RIMS2: variants seen among roughly 807,000 people sequenced by gnomAD.
RIMS2 encodes regulating synaptic membrane exocytosis protein 2.
RIMS2 carries 59 observed loss-of-function variants against 174.4 expected under a neutral mutation model. The observed-to-expected ratio is 0.34, with a 90% CI of 0.27 to 0.42. The LOEUF is 0.42. RIMS2 is among the 10% of genes least tolerant of loss of function. The probability of loss-of-function intolerance (pLI) is 1.00; values close to 1 mark genes in which losing one functional copy is unlikely to be tolerated. For missense variants in RIMS2, 1,620 were observed against 1,666.3 expected, an observed-to-expected ratio of 0.97 and a Z score of 0.48; for synonymous variants, 606 against 572.5, an observed-to-expected ratio of 1.06 and a Z score of -0.84.
At chr8:103,959,977 A>G (rs2089333990) in intron 14 of RIMS2, among the ~76,000 whole-genome samples, 1 of 152,190 alleles carries the variant, frequency 6.6e-6, no homozygotes, top group Non-Finnish European at 1.5e-5. Context: ...TTCAAAAGCT[A>G]GCAGAAGGCA....
rs150970425 is a variant in RIMS2, at chr8:104,090,055, C to T, written c.3334+75440C>T. ...ACATGAACACATTTATATACACATGCACATATATATATTATATATATATAC... is the reference window on the plus strand; with the variant it reads ...ACATGAACACATTTATATACACATGTACATATATATATTATATATATATAC... On this transcript the variant is annotated intron_variant, in intron 19 of 23. Coordinates refer to ENST00000504942, the Ensembl canonical transcript of RIMS2. Among the ~76,000 whole-genome samples, 634 of 144,836 alleles carry T rather than the reference C, an allele frequency of 4.4e-3. 6 individuals are homozygous for T. The highest frequency in any genetic ancestry group is 0.016 in the African/African-American group (611 of 38,078).
intron 3 of RIMS2, among the ~76,000 whole-genome samples, chr8:103,799,141 T>A: frequency 6.6e-6 from 1 of 151,952 alleles, no homozygotes; most frequent in African/African-American, 2.4e-5. Context: ...TGCCAATAGT[T>A]TGAATGAGCA....
chr8:103,940,875 C>CAA (rs11284715), intron 13 of RIMS2, among the ~76,000 whole-genome samples: 16 of 92,878 alleles, frequency 1.7e-4, no homozygotes, highest in African/African-American at 4.5e-4. Flanking sequence ...GACTCCATCT[C>CAA]AAAAAAAAAA....
At chr8:103,626,807 T>G (rs2095798216) in intron 1 of RIMS2, among the ~76,000 whole-genome samples, 1 of 151,990 alleles carries the variant, frequency 6.6e-6, no homozygotes, top group African/African-American at 2.4e-5. Context: ...GCAAGTTTTT[T>G]ATTAGGGATT....
At chr8:103,938,388 A>G (rs1001856294) in intron 13 of RIMS2, among the ~76,000 whole-genome samples, 7 of 152,118 alleles carry the variant, frequency 4.6e-5, no homozygotes, top group Admixed American at 2.0e-4. Flanking sequence ...ACTCCTCTTT[A>G]TAAAACCATC....
intron 2 of RIMS2, among the ~76,000 whole-genome samples, chr8:103,765,045 T>C (rs901407809): frequency 2.6e-5 from 4 of 152,186 alleles, no homozygotes; most frequent in African/African-American, 9.6e-5. Context: ...AAAACATTTT[T>C]GTGTCAGTTG....
intron 19 of RIMS2, among the ~76,000 whole-genome samples, chr8:104,079,152 G>A (rs979787992): frequency 1.1e-4 from 16 of 151,922 alleles, no homozygotes; most frequent in African/African-American, 3.9e-4. Context: ...GAACACTGTA[G>A]AATTATAGCA....
intron 19 of RIMS2, among the ~76,000 whole-genome samples, chr8:104,120,919 T>C (rs1035374032): frequency 1.1e-4 from 16 of 152,318 alleles, no homozygotes; most frequent in African/African-American, 3.6e-4. Flanking sequence ...ATTAGCTAAC[T>C]ACTCTCTCAC....
chr8:103,500,994 G>A, exon 1 of RIMS2: 1 of 1,611,856 alleles, frequency 6.2e-7, no homozygotes, highest in Non-Finnish European at 8.5e-7. Flanking sequence ...CGGAGGAGGA[G>A]AGGAAAATCA....
At chr8:103,675,197 C>T (rs1365225356) in intron 1 of RIMS2, among the ~76,000 whole-genome samples, 1 of 152,132 alleles carries the variant, frequency 6.6e-6, no homozygotes, top group East Asian at 1.9e-4. Context: ...CAGACATGAG[C>T]CACCAGAACT....
In RIMS2 at chr8:104,139,021, C is replaced by G. The variant is rs73299453; in HGVS notation, c.3335-105895C>G. Among the ~76,000 whole-genome samples, 451 of 152,140 alleles carry G rather than the reference C, an allele frequency of 3.0e-3. 2 individuals are homozygous for G. The highest frequency in any genetic ancestry group is 1.0e-2 in the African/African-American group (414 of 41,542). On this transcript the variant is annotated intron_variant, in intron 19 of 23. Coordinates refer to ENST00000504942, the Ensembl canonical transcript of RIMS2. ...TTTCCAGCACCATTTATTGAAGAGA[C>G]TGTTCTAACCTCAATGTATGTTCTT...
At chr8:103,578,256 A>T (rs1019888626) in intron 1 of RIMS2, among the ~76,000 whole-genome samples, 1 of 152,200 alleles carries the variant, frequency 6.6e-6, no homozygotes, top group African/African-American at 2.4e-5. Flanking sequence ...TCGGCCAGGC[A>T]TTGTGGTTCA....
At chr8:103,855,165 T>G (rs968435531) in intron 3 of RIMS2, among the ~76,000 whole-genome samples, 1 of 152,106 alleles carries the variant, frequency 6.6e-6, no homozygotes, top group Non-Finnish European at 1.5e-5. Flanking sequence ...TACACTATTC[T>G]CCAAAGATCT....
chr8:103,899,878 T>C (rs1415399149), intron 4 of RIMS2, among the ~76,000 whole-genome samples: 3 of 151,818 alleles, frequency 2.0e-5, no homozygotes, highest in Non-Finnish European at 4.4e-5. Flanking sequence ...CTTTAATCCA[T>C]CTTGAATTAA....
intron 19 of RIMS2, among the ~76,000 whole-genome samples, chr8:104,138,980 C>A (rs950681083): frequency 6.6e-6 from 1 of 152,088 alleles, no homozygotes; most frequent in Non-Finnish European, 1.5e-5. Flanking sequence ...TATTTTTCTG[C>A]ATATGGATGT....
At chr8:104,204,783 T>G (rs367590457) in intron 19 of RIMS2, among the ~76,000 whole-genome samples, 134 of 152,298 alleles carry the variant, frequency 8.8e-4, no homozygotes, top group African/African-American at 3.1e-3. Flanking sequence ...ATAAGGAAAT[T>G]AACCAGCTCC....
intron 19 of RIMS2, chr8:104,223,724 C>T (rs2099168011): frequency 8.8e-6 from 14 of 1,592,504 alleles, no homozygotes; most frequent in Non-Finnish European, 1.2e-5. Flanking sequence ...CCGGAGTAGC[C>T]TGTCTGCCTC....
intron 1 of RIMS2, among the ~76,000 whole-genome samples, chr8:103,539,007 A>G (rs1841254198): frequency 6.6e-6 from 1 of 152,190 alleles, no homozygotes; most frequent in Non-Finnish European, 1.5e-5. Context: ...TGCTTTGCAT[A>G]TTGTATCCAA....
intron 2 of RIMS2, among the ~76,000 whole-genome samples, chr8:103,729,073 A>G (rs1255467690): frequency 2.0e-5 from 3 of 152,066 alleles, no homozygotes; most frequent in Non-Finnish European, 4.4e-5. Context: ...TTTTGGTATC[A>G]GGGTCATAAT....
Sources: gnomAD v4.1 joint callset for allele counts (sites outside exome capture counted in the v4.1 genomes callset) on GRCh38, gnomAD v4.1.1 for gene constraint, MANE v1.5 for transcripts, NCBI Gene and HGNC (gene_info 2026-07-23, HGNC 2026-07-21) for gene names.